SIRPD: variants seen among roughly 807,000 people sequenced by gnomAD.
SIRPD encodes the protein signal-regulatory protein delta.
SIRPD carries 21 observed loss-of-function variants against 18.0 expected under a neutral mutation model. The observed-to-expected ratio is 1.17, with a 90% confidence interval of 0.83 to 1.68. The LOEUF (loss-of-function observed/expected upper bound fraction) is 1.68, where lower values mean the gene tolerates loss of function less well. Ranked by LOEUF, SIRPD falls within the 40% of genes most tolerant of loss-of-function variation. The probability of loss-of-function intolerance (pLI) is 0.00; values close to 1 mark genes in which losing one functional copy is unlikely to be tolerated. For synonymous variants in SIRPD, 106 were observed against 92.9 expected, an observed-to-expected ratio of 1.14 and a Z score of -0.81; for missense variants, 295 against 238.4, an observed-to-expected ratio of 1.24 and a Z score of -1.56.
intron 3 of SIRPD, among the ~76,000 whole-genome samples, chr20:1,536,403 T>G (rs1328351338): frequency 0.029 from 4 of 140 alleles, no homozygotes; most frequent in Non-Finnish European, 0.069. Context: ...CGGCCTGTCG[T>G]TTTTTTTTTT....
chr20:1,543,617 T>C (rs2090981408), intron 2 of SIRPD, among the ~76,000 whole-genome samples: 1 of 152,354 alleles, frequency 6.6e-6, no homozygotes, highest in Non-Finnish European at 1.5e-5. Flanking sequence ...TGTCTCTATT[T>C]CCTTCAGTTC....
chr20:1,545,295 T>C (rs2090988924), intron 2 of SIRPD, among the ~76,000 whole-genome samples: 2 of 152,210 alleles, frequency 1.3e-5, no homozygotes, highest in Admixed American at 1.3e-4. Flanking sequence ...CCATATTTCT[T>C]GGAGGGTTTG....
At chr20:1,546,880 C>G (rs1046165641) in intron 2 of SIRPD, among the ~76,000 whole-genome samples, 14 of 152,180 alleles carry the variant, frequency 9.2e-5, no homozygotes. Context: ...ATTTGAATAT[C>G]TGCTTTGGAG....
intron 2 of SIRPD, among the ~76,000 whole-genome samples, chr20:1,543,911 T>C (rs1236794379): frequency 6.6e-6 from 1 of 152,240 alleles, no homozygotes; most frequent in African/African-American, 2.4e-5. Flanking sequence ...AGTTTCCATG[T>C]AGATGTGCAG....
In SIRPD at chr20:1,551,783, G is replaced by A; in HGVS notation, c.329C>T (p.Ala110Val). The A allele has an allele frequency of 1.9e-6, 3 of 1,614,058 alleles. No individual in the cohort carries two copies. Among genetic ancestry groups the A allele is most frequent in the African/African-American group, 1.3e-5 (1 of 75,032 alleles). The change falls in exon 2 of 4, where the codon GCT becomes GTT. Residue 110 changes from alanine to valine, a missense_variant. Coordinates refer to ENST00000381623, the MANE Select transcript of SIRPD (RefSeq NM_178460.3). ...FSTRIREISL[A>V]DAGTYYCVKF... ...CACGCAGTAATAGGTGCCAGCATCA[G>A]CAAGAGAGATTTCACGGATGCGGGT...
chr20:1,537,057 A>T, intron 3 of SIRPD, 98 bp downstream of exon 3: 1 of 1,429,960 alleles, frequency 7.0e-7, no homozygotes, highest in Non-Finnish European at 9.6e-7. Flanking sequence ...CTAGGACAAC[A>T]GAGATTCATC....
At chr20:1,555,845 G>A (rs1464276424) in intron 1 of SIRPD, among the ~76,000 whole-genome samples, 1 of 152,198 alleles carries the variant, frequency 6.6e-6, no homozygotes, top group Non-Finnish European at 1.5e-5. Context: ...ATATAGCTTA[G>A]CTGGGTTCTC....
At chr20:1,553,162 A>T (rs1433822694) in intron 1 of SIRPD, among the ~76,000 whole-genome samples, 1 of 152,162 alleles carries the variant, frequency 6.6e-6, no homozygotes, top group African/African-American at 2.4e-5. Flanking sequence ...TTTGCAAAAA[A>T]GACTTTGGAG....
At chr20:1,547,581 G>T (rs1458184149) in intron 2 of SIRPD, among the ~76,000 whole-genome samples, 1 of 152,136 alleles carries the variant, frequency 6.6e-6, no homozygotes, top group African/African-American at 2.4e-5. Flanking sequence ...AAAGAAAAAC[G>T]TGTGTTCTCC....
At chr20:1,553,201 G>C (rs1391654380) in intron 1 of SIRPD, among the ~76,000 whole-genome samples, 1 of 152,172 alleles carries the variant, frequency 6.6e-6, no homozygotes. Flanking sequence ...CCTCATTCTG[G>C]TCTAAGAATT....
chr20:1,552,346 C>G (rs2091023231), intron 1 of SIRPD, among the ~76,000 whole-genome samples: 2 of 152,130 alleles, frequency 1.3e-5, no homozygotes, highest in Non-Finnish European at 2.9e-5. Flanking sequence ...AGACTAGTTT[C>G]CCTATCCATC....
intron 1 of SIRPD, among the ~76,000 whole-genome samples, chr20:1,557,258 A>T (rs2091045479): frequency 6.6e-6 from 1 of 152,076 alleles, no homozygotes; most frequent in Non-Finnish European, 1.5e-5. Flanking sequence ...GTCTCAAAAA[A>T]ATAAGTAAAG....
At chr20:1,551,316 T>C (rs149991008) in intron 2 of SIRPD, among the ~76,000 whole-genome samples, 196 of 152,308 alleles carry the variant, frequency 1.3e-3, no homozygotes, top group Non-Finnish European at 2.0e-3. Flanking sequence ...AGAATTACTT[T>C]AGATTACCAG....
intron 3 of SIRPD, among the ~76,000 whole-genome samples, chr20:1,535,724 C>A (rs111733089): frequency 0.11 from 16,595 of 152,096 alleles, 1,091 homozygotes; most frequent in Middle Eastern, 0.14. Context: ...CTATTCTAAG[C>A]AACAGAAAAA....
At chr20:1,544,512 T>C (rs554248901) in intron 2 of SIRPD, among the ~76,000 whole-genome samples, 13 of 152,234 alleles carry the variant, frequency 8.5e-5, no homozygotes, top group African/African-American at 2.6e-4. Flanking sequence ...TATGTGTATC[T>C]TTTCATGTGA....
chr20:1,537,405 T>A, intron 2 of SIRPD, 95 bp from the exon 3 acceptor site: 1 of 1,370,162 alleles, frequency 7.3e-7, no homozygotes, highest in Non-Finnish European at 1.0e-6. Flanking sequence ...TTCCAGTTTC[T>A]AGATTGTGAA....
At chr20:1,545,952 C>T (rs764239367) in intron 2 of SIRPD, among the ~76,000 whole-genome samples, 1 of 152,238 alleles carries the variant, frequency 6.6e-6, no homozygotes, top group Admixed American at 6.5e-5. Context: ...GTGGAGACTG[C>T]AGAACAGCAA....
chr20:1,538,314 AC>A (rs1204028117), intron 2 of SIRPD, among the ~76,000 whole-genome samples: 1 of 152,140 alleles, frequency 6.6e-6, no homozygotes, highest in Non-Finnish European at 1.5e-5. Context: ...TCTCCCCTCG[AC>A]ACCTTATTCT....
At position 1,537,058 on chromosome 20, in the gene SIRPD, G is replaced by A. The variant is rs1436772463; in HGVS notation, c.577+97C>T. The stretch of plus-strand genomic sequence containing the variant: ...CAAAGAAAGAGGCCCTAGGACAACA[G>A]AGATTCATCCGCCCCACTGCAGGTG... On this transcript the variant is annotated intron_variant, in intron 3 of 3. Coordinates refer to ENST00000381623, the MANE Select transcript of SIRPD (RefSeq NM_178460.3). 4 of 1,436,610 alleles carry A rather than the reference G, an allele frequency of 2.8e-6. No individual in the cohort carries two copies. In the East Asian group the frequency reaches 9.2e-5, roughly 33 times the overall value. 89.0% of individuals were successfully genotyped at this position (1,436,610 alleles called of 1,614,324 possible). A position where few individuals can be genotyped will look rare whatever the true frequency, so the allele number is the denominator to read the frequency against.
Sources: gnomAD v4.1 joint callset for allele counts (sites outside exome capture counted in the v4.1 genomes callset) on GRCh38, gnomAD v4.1.1 for gene constraint, MANE v1.5 for transcripts, NCBI Gene and HGNC (gene_info 2026-07-23, HGNC 2026-07-21) for gene names.